The following DYNC2LI1 variants were observed in gnomAD, a reference collection of about 807,000 sequenced individuals.
DYNC2LI1 encodes the protein dynein cytoplasmic 2 light intermediate chain 1.
In DYNC2LI1, 45 loss-of-function variants were observed where a neutral mutation model predicts 51.9. The observed-to-expected ratio is 0.87, with a 90% CI of 0.68 to 1.11. The LOEUF is 1.11. Among genes scored for constraint, DYNC2LI1 ranks in the 50% most tolerant of loss-of-function variants. The probability of loss-of-function intolerance (pLI) is 0.00; values close to 1 mark genes in which losing one functional copy is unlikely to be tolerated. For missense variants in DYNC2LI1, 490 were observed against 417.4 expected (o/e 1.17, Z -1.51); for synonymous variants, 130 against 137.8 (o/e 0.94, Z 0.40).
chr2:43,793,034 A>C, intron 5 of DYNC2LI1: 1 of 329,266 alleles, frequency 3.0e-6, no homozygotes, highest in South Asian at 6.1e-5. Flanking sequence ...GAATTGCTGG[A>C]TCATCTGGTA....
rs1421926761 is a variant in DYNC2LI1, at chr2:43,794,935, T to C, written c.507+292T>C. 45 of 1,310,094 alleles carry C rather than the reference T, an allele frequency of 3.4e-5. 1 individual carries two copies. In the South Asian group the frequency reaches 5.1e-4, roughly 15 times the overall value. 81.2% of individuals were successfully genotyped at this position (1,310,094 alleles called of 1,614,324 possible). On this transcript the variant is annotated intron_variant, in intron 6 of 12. Coordinates refer to ENST00000260605, the MANE Select transcript of DYNC2LI1 (RefSeq NM_016008.4). The stretch of plus-strand genomic sequence containing the variant: ...GGTTTGATATTGATTTTATAATCTC[T>C]GTAAAAATGAAGATAAAAAGCCAGA...
intron 2 of DYNC2LI1, 81 bp downstream of exon 2, chr2:43,776,980 A>T (rs1165750838): frequency 1.6e-5 from 12 of 751,244 alleles, no homozygotes; most frequent in Non-Finnish European, 2.7e-5. Context: ...ATTAAAATGT[A>T]GATACTTCAA....
intron 8 of DYNC2LI1, among the ~76,000 whole-genome samples, chr2:43,797,266 G>A (rs1007560676): frequency 6.6e-6 from 1 of 152,122 alleles, no homozygotes; most frequent in Non-Finnish European, 1.5e-5. Context: ...TATTAGACGT[G>A]TGATCTTCGG....
At position 43,795,956 on chromosome 2, in the gene DYNC2LI1, C is replaced by G. The variant is rs777366251; in HGVS notation, c.574C>G (p.Gln192Glu). 4 of 1,611,526 alleles carry G rather than the reference C, an allele frequency of 2.5e-6. No homozygotes were observed. In the East Asian group the frequency reaches 8.9e-5, roughly 36 times the overall value. Residue 192 changes from glutamine to glutamate, a missense_variant and splice_region_variant, in exon 7 of 13, where the codon CAG becomes GAG. Physicochemically the swap from Gln to Glu is conservative, Grantham distance 29. Transcript: ENST00000260605. The stretch of plus-strand genomic sequence containing the variant: ...AATTGGAAGTAAATATGATGTTTTT[C>G]AGGTAAGCTCTTCCGCTTCTAGCTG... ...VIIGSKYDVF[Q>E]DFESEKRKVI...
At chr2:43,782,031 G>A (rs1476979640) in intron 2 of DYNC2LI1, among the ~76,000 whole-genome samples, 1 of 152,108 alleles carries the variant, frequency 6.6e-6, no homozygotes, top group Non-Finnish European at 1.5e-5. Flanking sequence ...GTGTGTGTGT[G>A]TGTGTACTTC....
At chr2:43,775,377 C>T (rs1475594717) in intron 1 of DYNC2LI1, among the ~76,000 whole-genome samples, 1 of 151,976 alleles carries the variant, frequency 6.6e-6, no homozygotes. Context: ...TTCACTTAGG[C>T]TTTAATTAAT....
chr2:43,794,575 A>G lies in DYNC2LI1; in HGVS notation c.439A>G (p.Lys147Glu). The change falls in exon 6 of 13, where the codon AAG becomes GAG. Residue 147 changes from lysine (K) to glutamate (E), a missense_variant. Lys to Glu is a moderately conservative substitution (Grantham distance 56, BLOSUM62 1). Transcript: ENST00000260605. ...HVDKVIMKLG[K>E]TNAKAVSEMR... ...AGACAAAGTGATAATGAAACTGGGA[A>G]AGACAAATGCTAAAGCAGTTTCTGA... 14 of 1,614,124 alleles carry G rather than the reference A, an allele frequency of 8.7e-6. No individual in the cohort carries two copies. The highest frequency in any genetic ancestry group is 1.2e-5 in the Non-Finnish European group (14 of 1,180,008).
downstream of DYNC2LI1, chr2:43,810,505 G>A: frequency 3.0e-6 from 3 of 985,354 alleles, no homozygotes; most frequent in Non-Finnish European, 3.6e-6. Flanking sequence ...GTGTGTACCT[G>A]CTAGCCAAGT....
chr2:43,774,338 C>G (rs1672913555), intron 1 of DYNC2LI1, among the ~76,000 whole-genome samples, 192 bp downstream of exon 1: 1 of 152,178 alleles, frequency 6.6e-6, no homozygotes, highest in African/African-American at 2.4e-5. Context: ...AGAAAGTTCC[C>G]TAGGTAGAAA....
chr2:43,796,647 T>C lies in DYNC2LI1; in HGVS notation c.577-71T>C, dbSNP rs1189827016. 6 of 1,111,970 alleles carry C rather than the reference T, an allele frequency of 5.4e-6. No individual in the cohort carries two copies. The Admixed American group carries it at 9.1e-5, about 17-fold the overall frequency. 68.9% of individuals were successfully genotyped at this position (1,111,970 alleles called of 1,614,324 possible). A position where few individuals can be genotyped will look rare whatever the true frequency, so the allele number is the denominator to read the frequency against. ...AAAATAAGAAATAATCTATTCTACA[T>C]TTAATAATTTGAATCTTCCTGCTAT... On this transcript the variant is annotated intron_variant, in intron 7 of 12. Transcript: ENST00000260605.
intron 8 of DYNC2LI1, 96 bp downstream of exon 8, chr2:43,796,891 G>T (rs1665879826): frequency 2.1e-6 from 2 of 934,612 alleles, no homozygotes; most frequent in Admixed American, 3.7e-5. Context: ...AAATGCTTTT[G>T]CTAATGCACA....
chr2:43,774,076 GCCT>G lies in DYNC2LI1; in HGVS notation c.-62_-60del. On this transcript the variant is annotated 5_prime_UTR_variant, in exon 1 of 13. Transcript: ENST00000260605. ...TCCCAGACTCCTTGCGGAGCTCGCC[GCCT>G]GATTCTAGGCTGGTCACTACTCCGA... is the stretch of plus-strand genomic sequence containing the variant. The G allele has an allele frequency of 6.2e-7, 1 of 1,606,706 alleles. No homozygotes were observed. Among genetic ancestry groups the G allele is most frequent in the Non-Finnish European group, 8.5e-7 (1 of 1,176,320 alleles).
At chr2:43,797,732 C>G (rs1307289686) in intron 8 of DYNC2LI1, among the ~76,000 whole-genome samples, 1 of 151,960 alleles carries the variant, frequency 6.6e-6, no homozygotes, top group Non-Finnish European at 1.5e-5. Context: ...GTTGGCCAGG[C>G]TGGTCTTGAA....
the DYNC2LI1 span, chr2:43,826,537 G>A: frequency 1.2e-6 from 2 of 1,614,148 alleles, no homozygotes; most frequent in Non-Finnish European, 1.7e-6. Context: ...AGCAAAGAAG[G>A]GCCAGACTTC....
At chr2:43,801,046 A>G (rs1666063726) in intron 9 of DYNC2LI1, 129 bp downstream of exon 9, 4 of 333,984 alleles carry the variant, frequency 1.2e-5, no homozygotes, top group South Asian at 2.7e-4. Flanking sequence ...CTTTTCTTAA[A>G]GGGATAATTT....
chr2:43,824,767 A>G, the DYNC2LI1 span: 2 of 1,493,458 alleles, frequency 1.3e-6, no homozygotes, highest in Non-Finnish European at 1.8e-6. Context: ...TTCCTTGAAG[A>G]GTATAAAACA....
intron 5 of DYNC2LI1, chr2:43,792,933 G>C (rs955763026): frequency 5.5e-6 from 5 of 901,832 alleles, no homozygotes; most frequent in African/African-American, 5.3e-5. Context: ...TTCATCTTTT[G>C]ACTATTGTGA....
intron 8 of DYNC2LI1, among the ~76,000 whole-genome samples, chr2:43,797,515 CT>C (rs557695536): frequency 0.023 from 2,531 of 110,714 alleles, 10 homozygotes; most frequent in African/African-American, 0.043. Context: ...AATATAACAA[CT>C]TTTTTTTTTT....
At chr2:43,776,032 T>C (rs1673003348) in intron 1 of DYNC2LI1, among the ~76,000 whole-genome samples, 1 of 151,766 alleles carries the variant, frequency 6.6e-6, no homozygotes, top group Admixed American at 6.6e-5. Context: ...TTTGTTTTCT[T>C]TTCTTCTTCT....
Sources: gnomAD v4.1 joint callset for allele counts (sites outside exome capture counted in the v4.1 genomes callset) on GRCh38, gnomAD v4.1.1 for gene constraint, MANE v1.5 for transcripts, NCBI Gene and HGNC (gene_info 2026-07-23, HGNC 2026-07-21) for gene names.